AGO3: variants seen among roughly 807,000 people sequenced by gnomAD.
AGO3 encodes the protein argonaute RISC catalytic component 3, also known as protein argonaute-3.
In AGO3, 16 loss-of-function variants were observed where a neutral mutation model predicts 105.5. The observed-to-expected ratio is 0.15, with a 90% confidence interval of 0.10 to 0.23. The LOEUF (loss-of-function observed/expected upper bound fraction) is 0.23, where lower values mean the gene tolerates loss of function less well. Ranked by LOEUF, AGO3 falls within the 10% of genes least tolerant of loss-of-function variation. AGO3 has a pLI of 1.00. For synonymous variants in AGO3, 340 were observed against 367.3 expected (o/e 0.93, Z 0.85); for missense variants, 534 against 1,088.0 (o/e 0.49, Z 7.16).
rs931797286 is a variant in AGO3, at chr1:36,064,337, G to C, written c.*8592G>C. On this transcript the variant is annotated 3_prime_UTR_variant, in exon 19 of 19. Coordinates refer to ENST00000373191, the MANE Select transcript of AGO3 (RefSeq NM_024852.4). ...GGAGGTTGCAGTGAGCCAAGATCGCGCCATTGCACTCCAGCCTGGGCAACA... is the reference window on the plus strand; with the variant it reads ...GGAGGTTGCAGTGAGCCAAGATCGCCCCATTGCACTCCAGCCTGGGCAACA... 6.6e-6 allele frequency: 1 copy of C among 152,580 alleles called. No individual in the cohort carries two copies. Among genetic ancestry groups the C allele is most frequent in the East Asian group, 1.9e-4 (1 of 5,164 alleles). The allele number at this position is 152,580 out of a possible 1,614,324, so 9.5% of individuals were successfully genotyped here.
At position 36,027,228 on chromosome 1, in the gene AGO3, G is replaced by T. The variant is rs1399614341; in HGVS notation, c.1521G>T (p.Arg507=). The T allele has an allele frequency of 6.2e-7, 1 of 1,614,040 alleles. No individual in the cohort carries two copies. Among genetic ancestry groups the T allele is most frequent in the Non-Finnish European group, 8.5e-7 (1 of 1,180,030 alleles). ...CAGACAGCGTAGAGCCCATGTTCCG[G>T]CATCTCAAGAACACATATTCTGGCC... is the stretch of plus-strand genomic sequence containing the variant. ...QGADSVEPMF[R]HLKNTYSGLQ... is the part of the protein sequence containing the mutation. The change falls in exon 12 of 19, where the codon CGG becomes CGT. Residue 507 remains arginine (R), a synonymous_variant. Transcript: ENST00000373191. This position sits in a 1 kb window ranked among gnomAD's most constrained non-coding sequence, Gnocchi z 4.0.
rs965917819 is a variant in AGO3, at chr1:36,072,005, T to C, written c.*16260T>C. 1 of 152,264 alleles carries C rather than the reference T, an allele frequency of 6.6e-6. No homozygotes were observed. The highest frequency in any genetic ancestry group is 6.5e-5 in the Admixed American group (1 of 15,286). 9.4% of individuals were successfully genotyped at this position (152,264 alleles called of 1,614,324 possible). ...CCTTGAAGATTATATGTAATTATAA[T>C]GAGCAGAAGGCAAATAAAGTTTTTG... On this transcript the variant is annotated 3_prime_UTR_variant, in exon 19 of 19. Transcript: ENST00000373191.
intron 5 of AGO3, among the ~76,000 whole-genome samples, chr1:35,994,245 G>A (rs1022667473): frequency 1.3e-5 from 2 of 151,486 alleles, no homozygotes; most frequent in Admixed American, 1.3e-4. Context: ...CACCATGCCC[G>A]GCCCCAGTTC....
intron 5 of AGO3, among the ~76,000 whole-genome samples, chr1:35,997,789 T>C (rs1270384976): frequency 6.6e-6 from 1 of 152,064 alleles, no homozygotes; most frequent in Admixed American, 6.6e-5. Context: ...CTCCTCCTCC[T>C]GTGTTCAAGT....
intron 17 of AGO3, among the ~76,000 whole-genome samples, chr1:36,051,897 CAAATT>C (rs1009108884): frequency 3.3e-5 from 5 of 152,182 alleles, no homozygotes; most frequent in Non-Finnish European, 2.9e-5. Context: ...TCATCTCACT[CAAATT>C]AATATAGTCA....
chr1:36,008,988 C>T lies in AGO3; in HGVS notation c.973C>T (p.His325Tyr). The T allele has an allele frequency of 6.2e-7, 1 of 1,608,950 alleles. No individual in the cohort carries two copies. The highest frequency in any genetic ancestry group is 8.5e-7 in the Non-Finnish European group (1 of 1,177,748). Residue 325 changes from histidine to tyrosine, a missense_variant, in exon 8 of 19, where the codon CAC (histidine) becomes TAC (tyrosine). Coordinates refer to ENST00000373191, the MANE Select transcript of AGO3 (RefSeq NM_024852.4). This position sits in a 1 kb window ranked among gnomAD's most constrained non-coding sequence, Gnocchi z 5.1. ...EKYTLQLKYP[H>Y]LPCLQVGQEQ... ...GTATACTCTTCAGCTGAAGTACCCGCACCTTCCCTGTCTGCAAGTCGGGCA... is the reference window on the plus strand; with the variant it reads ...GTATACTCTTCAGCTGAAGTACCCGTACCTTCCCTGTCTGCAAGTCGGGCA...
rs1643025638 is a variant in AGO3, at chr1:36,061,398, C to G, written c.*5653C>G. ...CTCATTGAAATTTATATTACTTTAC[C>G]CATCAAAACTAGTACTCCAGATGTT... On this transcript the variant is annotated 3_prime_UTR_variant, in exon 19 of 19. Transcript: ENST00000373191. 1 of 151,910 alleles carries G rather than the reference C, an allele frequency of 6.6e-6. No individual in the cohort carries two copies. Among genetic ancestry groups the G allele is most frequent in the Non-Finnish European group, 1.5e-5 (1 of 67,964 alleles). The allele number at this position is 151,910 out of a possible 1,614,324, so 9.4% of individuals were successfully genotyped here.
At chr1:36,051,591 G>A (rs987998309) in intron 17 of AGO3, among the ~76,000 whole-genome samples, 2 of 151,868 alleles carry the variant, frequency 1.3e-5, no homozygotes, top group Non-Finnish European at 2.9e-5. Context: ...GTGCTGACAT[G>A]TACCTGTGGT....
intron 2 of AGO3, among the ~76,000 whole-genome samples, chr1:35,953,176 C>T (rs987944731): frequency 3.3e-5 from 5 of 152,056 alleles, no homozygotes; most frequent in African/African-American, 1.2e-4. Flanking sequence ...TGCCTGTAAT[C>T]CCAACACTTT....
At chr1:35,966,053 G>A (rs532104855) in intron 2 of AGO3, among the ~76,000 whole-genome samples, 83 of 152,146 alleles carry the variant, frequency 5.5e-4, no homozygotes, top group Non-Finnish European at 1.1e-3. Flanking sequence ...TCAAACTCCC[G>A]ACCTCAGGTG....
At chr1:36,017,852 G>A (rs573579658) in intron 11 of AGO3, among the ~76,000 whole-genome samples, 2 of 151,856 alleles carry the variant, frequency 1.3e-5, no homozygotes, top group Non-Finnish European at 1.5e-5. Context: ...GCAGTGAGCC[G>A]AGATCACGCC....
rs1032676024 is a variant in AGO3, at chr1:36,058,969, G to A, written c.*3224G>A. 2 of 152,110 alleles carry A rather than the reference G, an allele frequency of 1.3e-5. No homozygotes were observed. The highest frequency in any genetic ancestry group is 2.4e-5 in the African/African-American group (1 of 41,426). The allele number at this position is 152,110 out of a possible 1,614,324, so 9.4% of individuals were successfully genotyped here. A position where few individuals can be genotyped will look rare whatever the true frequency, so the allele number is the denominator to read the frequency against. On this transcript the variant is annotated 3_prime_UTR_variant, in exon 19 of 19. Transcript: ENST00000373191. ...TAAAACATCTTCCTTTATCATGGGA[G>A]CTGCACAGATTCATGTGGGAAACTT...
chr1:36,050,683 T>C (rs1278478777), intron 17 of AGO3, among the ~76,000 whole-genome samples: 2 of 147,924 alleles, frequency 1.4e-5, no homozygotes, highest in Non-Finnish European at 3.0e-5. Flanking sequence ...TCCCAGCTAC[T>C]CAAGAGGCTG....
rs2148874143 is a variant in AGO3, at chr1:36,067,080, C to T, written c.*11335C>T. The T allele has an allele frequency of 6.6e-6, 1 of 152,258 alleles. No homozygotes were observed. The highest frequency in any genetic ancestry group is 6.5e-5 in the Admixed American group (1 of 15,288). The allele number at this position is 152,258 out of a possible 1,614,324, so 9.4% of individuals were successfully genotyped here. On this transcript the variant is annotated 3_prime_UTR_variant, in exon 19 of 19. Transcript: ENST00000373191. ...ATGAAGTCTTTATCCTTAAATAGGG[C>T]CAGGCATTGCTATCAACATAGTGTC...
At chr1:36,023,164 T>A (rs1641327011) in intron 11 of AGO3, among the ~76,000 whole-genome samples, 1 of 152,126 alleles carries the variant, frequency 6.6e-6, no homozygotes, top group Non-Finnish European at 1.5e-5. Context: ...CTGAACCCAT[T>A]TCAGATTTTA....
intron 12 of AGO3, among the ~76,000 whole-genome samples, chr1:36,032,967 A>G (rs1641848698): frequency 6.6e-6 from 1 of 151,364 alleles, no homozygotes; most frequent in African/African-American, 2.4e-5. Context: ...TCTACTAAAA[A>G]TACAAAAAAA....
At chr1:35,980,779 C>G (rs1039159934) in intron 5 of AGO3, among the ~76,000 whole-genome samples, 1 of 152,072 alleles carries the variant, frequency 6.6e-6, no homozygotes, top group African/African-American at 2.4e-5. Context: ...CTTCCAAATA[C>G]CAAATAATTT....
intron 5 of AGO3, among the ~76,000 whole-genome samples, chr1:36,000,430 G>A (rs192519843): frequency 1.8e-3 from 270 of 152,206 alleles, no homozygotes; most frequent in Non-Finnish European, 2.7e-3. Flanking sequence ...AATAAACAGG[G>A]AAAAATAGTA....
At chr1:35,959,834 A>G (rs1484302033) in intron 2 of AGO3, among the ~76,000 whole-genome samples, 1 of 152,046 alleles carries the variant, frequency 6.6e-6, no homozygotes, top group Non-Finnish European at 1.5e-5. Flanking sequence ...GGAAGACTTC[A>G]GTATAATTCT....
Sources: allele counts gnomAD v4.1 joint callset (sites outside exome capture counted in the v4.1 genomes callset), GRCh38; gene constraint gnomAD v4.1.1; non-coding constraint Gnocchi (gnomAD v3.1); transcripts MANE v1.5; gene names NCBI Gene and HGNC (gene_info 2026-07-23, HGNC 2026-07-21).